Variants in KIF13A observed in about 807,000 individuals in gnomAD.
KIF13A encodes the protein kinesin-like protein KIF13A.
A neutral mutation model predicts 212.2 loss-of-function variants in KIF13A; 79 were observed. The observed-to-expected ratio is 0.37, with a 90% CI of 0.31 to 0.45. The LOEUF is 0.45. Among genes scored for constraint, KIF13A ranks in the 20% least tolerant of loss-of-function variants. The probability of loss-of-function intolerance (pLI) is 1.00; values close to 1 mark genes in which losing one functional copy is unlikely to be tolerated. For synonymous variants in KIF13A, 789 were observed against 808.6 expected, an observed-to-expected ratio of 0.98 and a Z score of 0.41; for missense variants, 1,901 against 2,209.0, an observed-to-expected ratio of 0.86 and a Z score of 2.79.
rs768153944 is a variant in KIF13A, at chr6:17,808,759, C to T, written c.2163+9G>A. 4.4e-6 allele frequency: 7 copies of T among 1,607,918 alleles called. No individual in the cohort carries two copies. Among genetic ancestry groups the T allele is most frequent in the African/African-American group, 1.3e-5 (1 of 74,606 alleles). On this transcript the variant is annotated intron_variant, in intron 18 of 38. Coordinates refer to ENST00000259711, the MANE Select transcript of KIF13A (RefSeq NM_022113.6). The stretch of plus-strand genomic sequence containing the variant: ...GCATCTTGCCCTCTCACTTGAAGGA[C>T]ATTCTTACCTTCCTATTGGCACTGA...
In KIF13A at chr6:17,816,672, A is replaced by G. The variant is rs971333049; in HGVS notation, c.2000+348T>C. Among the ~76,000 whole-genome samples the G allele has an allele frequency of 6.6e-5, 10 of 152,174 alleles. No homozygotes were observed. The highest frequency in any genetic ancestry group is 1.0e-4 in the Non-Finnish European group (7 of 68,040). On this transcript the variant is annotated intron_variant, in intron 17 of 38. Coordinates refer to ENST00000259711, the MANE Select transcript of KIF13A (RefSeq NM_022113.6). This position sits in a 1 kb window ranked among gnomAD's most constrained non-coding sequence, Gnocchi z 4.3. ...TTAATCAGCACTGAAGTTGTATTTA[A>G]ATAGATTCAAAAGTATGAGAAATAA...
chr6:17,835,932 G>C (rs766895599), intron 11 of KIF13A, among the ~76,000 whole-genome samples: 3 of 152,164 alleles, frequency 2.0e-5, no homozygotes, highest in Non-Finnish European at 4.4e-5. Flanking sequence ...GGTCAGAAGA[G>C]AGTGGTGAAG....
chr6:17,896,918 G>A (rs1411807012), intron 3 of KIF13A, among the ~76,000 whole-genome samples: 2 of 152,190 alleles, frequency 1.3e-5, no homozygotes, highest in African/African-American at 4.8e-5. Flanking sequence ...GGATGTAAAA[G>A]CTAGATAAAC....
chr6:17,836,952 C>T lies in KIF13A; in HGVS notation c.1081G>A (p.Asp361Asn). The T allele has an allele frequency of 1.2e-6, 2 of 1,613,924 alleles. No individual in the cohort carries two copies. The highest frequency in any genetic ancestry group is 1.7e-6 in the Non-Finnish European group (2 of 1,179,886). Residue 361 changes from aspartate (D) to asparagine (N), a missense_variant, in exon 11 of 39, where the codon GAC becomes AAC. Physicochemically the swap from Asp to Asn is conservative, Grantham distance 23. Coordinates refer to ENST00000259711, the MANE Select transcript of KIF13A (RefSeq NM_022113.6). ...TCTCGGATCACTTTTGCGTTGGGGTCCTCATTCACAACAGCATGGTTCACA... is the reference window on the plus strand; with the variant it reads ...TCTCGGATCACTTTTGCGTTGGGGTTCTCATTCACAACAGCATGGTTCACA... ...RIVNHAVVNE[D>N]PNAKVIRELR... is the part of the protein sequence containing the mutation.
At chr6:17,965,901 C>T (rs1779259600) in intron 2 of KIF13A, among the ~76,000 whole-genome samples, 1 of 152,150 alleles carries the variant, frequency 6.6e-6, no homozygotes, top group African/African-American at 2.4e-5. Flanking sequence ...TGGGGCCGGG[C>T]GTGGTGGTTC....
intron 2 of KIF13A, among the ~76,000 whole-genome samples, chr6:17,922,331 T>C (rs1775144878): frequency 6.6e-6 from 1 of 152,170 alleles, no homozygotes; most frequent in South Asian, 2.1e-4. Context: ...CTTGAGGAGT[T>C]TGGAGTCCAT....
In KIF13A at chr6:17,816,053, G is replaced by A. The variant is rs1332339256; in HGVS notation, c.2000+967C>T. 2.7e-5 allele frequency among the ~76,000 whole-genome samples: 4 copies of A among 149,132 alleles called. No individual in the cohort carries two copies. The highest frequency in any genetic ancestry group is 1.3e-4 in the Admixed American group (2 of 14,968). On this transcript the variant is annotated intron_variant, in intron 17 of 38. Coordinates refer to ENST00000259711, the MANE Select transcript of KIF13A (RefSeq NM_022113.6). This position sits in a 1 kb window ranked among gnomAD's most constrained non-coding sequence, Gnocchi z 4.3. Reference sequence around the variant, plus strand: ...CTCCCAAGTAGCTGGGATTACAGGCGCCTGCCACCATGCGCTGCTATTTTT... The same window carrying A: ...CTCCCAAGTAGCTGGGATTACAGGCACCTGCCACCATGCGCTGCTATTTTT...
Position 17,966,450 on chromosome 6 carries a change from T to G in KIF13A, c.146+20604A>C, listed in dbSNP as rs528764143. Among the ~76,000 whole-genome samples, 168 of 149,884 alleles carry G rather than the reference T, an allele frequency of 1.1e-3. 1 individual carries two copies. Among genetic ancestry groups the G allele is most frequent in the South Asian group, 3.0e-3 (14 of 4,732 alleles). On this transcript the variant is annotated intron_variant, in intron 2 of 38. Transcript: ENST00000259711. ...TAATATTCAAGACTCTGAATTTTTTTTTTTTTTTTTTTTGACAGTGAGCAG... is the reference window on the plus strand; with the variant it reads ...TAATATTCAAGACTCTGAATTTTTTGTTTTTTTTTTTTTGACAGTGAGCAG...
At chr6:17,937,213 A>T (rs1199008683) in intron 2 of KIF13A, among the ~76,000 whole-genome samples, 1 of 152,196 alleles carries the variant, frequency 6.6e-6, no homozygotes, top group Non-Finnish European at 1.5e-5. Flanking sequence ...ATGGAAAGGA[A>T]GTCTGGAGTC....
In KIF13A at chr6:17,764,408, C is replaced by T; in HGVS notation, c.5120G>A (p.Ser1707Asn). ...GSCSELDACP[S>N]KISQPARGFC... is the part of the protein sequence containing the mutation. ...TCCCCTGGCTGGCTGGCTAATTTTG[C>T]TGGGGCAGGCATCTAGTTCTGAACA... Residue 1707 changes from serine to asparagine, a missense_variant, in exon 39 of 39, where the codon AGC becomes AAC. Physicochemically the swap from Ser to Asn is conservative, Grantham distance 46. Coordinates refer to ENST00000259711, the MANE Select transcript of KIF13A (RefSeq NM_022113.6). The surrounding 1 kb of genome is among the most constrained non-coding windows in gnomAD (Gnocchi z 5.1). 3 of 1,613,986 alleles carry T rather than the reference C, an allele frequency of 1.9e-6. No individual in the cohort carries two copies. The highest frequency in any genetic ancestry group is 2.5e-6 in the Non-Finnish European group (3 of 1,179,886).
intron 38 of KIF13A, 125 bp from the exon 39 acceptor site, chr6:17,765,071 CTT>C (rs1758823312): frequency 2.6e-6 from 2 of 763,614 alleles, no homozygotes; most frequent in South Asian, 3.9e-5. Flanking sequence ...TTCTTTTTGT[CTT>C]TCCAAATTTG....
rs61281213 is a variant in KIF13A, at chr6:17,833,014, CAAAAAAAAAA to C, written c.1266+937_1266+946del. 9.3e-5 allele frequency among the ~76,000 whole-genome samples: 7 copies of C among 75,396 alleles called. No individual in the cohort carries two copies. In the East Asian group the frequency reaches 1.3e-3, roughly 15 times the overall value. The allele number at this position is 75,396 out of a possible 152,430, so 49.5% of individuals were successfully genotyped here. On this transcript the variant is annotated intron_variant, in intron 12 of 38. Coordinates refer to ENST00000259711, the MANE Select transcript of KIF13A (RefSeq NM_022113.6). ...GGGCGACAGAGAGAGACTCTGTCTG[CAAAAAAAAAA>C]AAAAAAAAAAAAAAAAAAATCACAA...
chr6:17,820,775 T>C (rs1341534619), intron 16 of KIF13A, among the ~76,000 whole-genome samples: 1 of 152,186 alleles, frequency 6.6e-6, no homozygotes, highest in African/African-American at 2.4e-5. Flanking sequence ...CTTCTTTACT[T>C]AGTAGGTAAC....
chr6:17,798,865 AC>A lies in KIF13A; in HGVS notation c.2790+400del, dbSNP rs565862094. Among the ~76,000 whole-genome samples the A allele has an allele frequency of 2.1e-3, 318 of 152,354 alleles. 1 individual carries two copies. The highest frequency in any genetic ancestry group is 3.2e-3 in the Non-Finnish European group (221 of 68,040). ...ATAAGAATCAGATGTATAGCAACTTACATGTTAAGATGCGCAAATTCTGAAA... is the reference window on the plus strand; with the variant it reads ...ATAAGAATCAGATGTATAGCAACTTAATGTTAAGATGCGCAAATTCTGAAA... On this transcript the variant is annotated intron_variant, in intron 22 of 38. Coordinates refer to ENST00000259711, the MANE Select transcript of KIF13A (RefSeq NM_022113.6).
At chr6:17,842,208 C>T (rs900725406) in intron 9 of KIF13A, among the ~76,000 whole-genome samples, 1 of 151,792 alleles carries the variant, frequency 6.6e-6, no homozygotes, top group African/African-American at 2.4e-5. Flanking sequence ...CACCACTACA[C>T]CTGGCTAATT....
rs963596660 is a variant in KIF13A at position 17,898,751 on chromosome 6, C to T, written c.147-571G>A. Among the ~76,000 whole-genome samples, 10 of 152,148 alleles carry T rather than the reference C, an allele frequency of 6.6e-5. No individual in the cohort carries two copies. Among genetic ancestry groups the T allele is most frequent in the Non-Finnish European group, 2.9e-5 (2 of 68,016 alleles). On this transcript the variant is annotated intron_variant, in intron 2 of 38. Coordinates refer to ENST00000259711, the MANE Select transcript of KIF13A (RefSeq NM_022113.6). The surrounding 1 kb of genome is among the most constrained non-coding windows in gnomAD (Gnocchi z 5.2). ...TTCCCCACCATCAGCCACACACGCACTTGTTAAAACGTTTGTTTTACACGT... is the reference window on the plus strand; with the variant it reads ...TTCCCCACCATCAGCCACACACGCATTTGTTAAAACGTTTGTTTTACACGT...
chr6:17,852,053 GA>G lies in KIF13A; in HGVS notation c.495-12del. The G allele has an allele frequency of 7.2e-7, 1 of 1,394,286 alleles. No individual in the cohort carries two copies. The highest frequency in any genetic ancestry group is 9.5e-7 in the Non-Finnish European group (1 of 1,048,206). The allele number at this position is 1,394,286 out of a possible 1,614,324, so 86.4% of individuals were successfully genotyped here. A position where few individuals can be genotyped will look rare whatever the true frequency, so the allele number is the denominator to read the frequency against. ...AGAGACTGTCTACTCCTGCGGGAGG[GA>G]GGAAAAAGGAATAAATGAATCACAC... On this transcript the variant is annotated splice_polypyrimidine_tract_variant and intron_variant, in intron 6 of 38. Coordinates refer to ENST00000259711, the MANE Select transcript of KIF13A (RefSeq NM_022113.6).
In KIF13A at chr6:17,821,335, T is replaced by TA. The variant is rs1481073375; in HGVS notation, c.1787-4103dup. On this transcript the variant is annotated intron_variant, in intron 16 of 38. Coordinates refer to ENST00000259711, the MANE Select transcript of KIF13A (RefSeq NM_022113.6). ...TTAGATCAGTATTTACTCTAGAAAC[T>TA]AAAAAAATACATTAATCTTACCTAT... 7.4e-4 allele frequency among the ~76,000 whole-genome samples: 113 copies of TA among 152,286 alleles called. 1 individual carries two copies. The highest frequency in any genetic ancestry group is 2.5e-3 in the African/African-American group (103 of 41,568).
At chr6:17,833,003 G>A (rs1354398435) in intron 12 of KIF13A, among the ~76,000 whole-genome samples, 1 of 109,188 alleles carries the variant, frequency 9.2e-6, no homozygotes, top group Non-Finnish European at 1.7e-5. Context: ...GACAGAGAGA[G>A]ACTCTGTCTG....
Sources: allele counts gnomAD v4.1 joint callset (sites outside exome capture counted in the v4.1 genomes callset), GRCh38; gene constraint gnomAD v4.1.1; non-coding constraint Gnocchi (gnomAD v3.1); transcripts MANE v1.5; gene names NCBI Gene and HGNC (gene_info 2026-07-23, HGNC 2026-07-21).